PCDH15: variants seen among roughly 807,000 people sequenced by gnomAD.
The protein encoded by PCDH15 is protocadherin-15.
PCDH15 carries 129 observed loss-of-function variants against 178.5 expected under a neutral mutation model. The observed-to-expected ratio is 0.72, with a 90% CI of 0.63 to 0.84. PCDH15 has a LOEUF of 0.84. Among genes scored for constraint, PCDH15 ranks in the 40% least tolerant of loss-of-function variants. PCDH15 has a pLI of 0.00. For synonymous variants in PCDH15, 800 were observed against 732.0 expected, an observed-to-expected ratio of 1.09 and a Z score of -1.50; for missense variants, 2,230 against 2,099.9, an observed-to-expected ratio of 1.06 and a Z score of -1.21.
intron 1 of PCDH15, among the ~76,000 whole-genome samples, chr10:54,745,732 A>AT (rs1473421002): frequency 3.3e-5 from 5 of 152,200 alleles, no homozygotes; most frequent in African/African-American, 1.2e-4. Context: ...ACTGGATAAT[A>AT]TATAAGTGTA....
chr10:54,162,860 T>C (rs1245501248), intron 13 of PCDH15, among the ~76,000 whole-genome samples: 1 of 152,202 alleles, frequency 6.6e-6, no homozygotes, highest in Non-Finnish European at 1.5e-5. Flanking sequence ...TATACATGTA[T>C]AGATATGTAT....
chr10:55,487,746 T>C (rs1037797874), intron 2 of PCDH15, among the ~76,000 whole-genome samples: 28 of 151,752 alleles, frequency 1.8e-4, no homozygotes, highest in African/African-American at 6.5e-4. Flanking sequence ...TATATTTGAG[T>C]ATTGAAAACA....
intron 10 of PCDH15, among the ~76,000 whole-genome samples, chr10:54,200,760 G>A (rs1374029432): frequency 6.6e-6 from 1 of 151,812 alleles, no homozygotes; most frequent in African/African-American, 2.4e-5. Flanking sequence ...TCTCATTCTC[G>A]TTTGGTGGTT....
At chr10:54,551,951 T>A (rs1367553165) in intron 2 of PCDH15, among the ~76,000 whole-genome samples, 1 of 151,956 alleles carries the variant, frequency 6.6e-6, no homozygotes, top group African/African-American at 2.4e-5. Context: ...AGAAAATAAA[T>A]AAAAGCATGC....
chr10:54,747,292 T>A (rs2132908976), intron 1 of PCDH15, among the ~76,000 whole-genome samples: 1 of 152,348 alleles, frequency 6.6e-6, no homozygotes, highest in East Asian at 1.9e-4. Flanking sequence ...ATCATTCTAA[T>A]CACAGCAGTC....
chr10:54,195,268 A>G (rs2049490749), intron 11 of PCDH15, among the ~76,000 whole-genome samples: 1 of 152,178 alleles, frequency 6.6e-6, no homozygotes, highest in African/African-American at 2.4e-5. Context: ...ATATATTTTA[A>G]TAACGATGCC....
At chr10:54,770,666 A>G (rs2133259862) in intron 1 of PCDH15, among the ~76,000 whole-genome samples, 1 of 152,070 alleles carries the variant, frequency 6.6e-6, no homozygotes, top group African/African-American at 2.4e-5. Flanking sequence ...TCTGTCAGTC[A>G]AGTTATTTTC....
At chr10:54,621,329 A>G (rs1045290758) in intron 2 of PCDH15, among the ~76,000 whole-genome samples, 1 of 151,990 alleles carries the variant, frequency 6.6e-6, no homozygotes, top group South Asian at 2.1e-4. Flanking sequence ...TAAATGGTTC[A>G]ATTTATTAAA....
At chr10:55,226,805 G>T (rs1315986097) in intron 1 of PCDH15, among the ~76,000 whole-genome samples, 4 of 151,928 alleles carry the variant, frequency 2.6e-5, no homozygotes, top group Non-Finnish European at 5.9e-5. Flanking sequence ...TTGAAATTCA[G>T]ACAATTCAGT....
At chr10:54,295,831 G>C (rs181919589) in intron 8 of PCDH15, among the ~76,000 whole-genome samples, 4 of 151,918 alleles carry the variant, frequency 2.6e-5, no homozygotes, top group Non-Finnish European at 4.4e-5. Context: ...TCTAATTATC[G>C]GGCACCTGTC....
intron 3 of PCDH15, among the ~76,000 whole-genome samples, chr10:54,855,289 G>C (rs1953718172): frequency 6.6e-6 from 1 of 152,168 alleles, no homozygotes; most frequent in Non-Finnish European, 1.5e-5. Flanking sequence ...GTGGGTATCT[G>C]CAGCTGCATC....
intron 1 of PCDH15, among the ~76,000 whole-genome samples, chr10:54,742,664 G>A (rs909950445): frequency 6.6e-6 from 1 of 151,954 alleles, no homozygotes; most frequent in Admixed American, 6.6e-5. Context: ...CTTTATACCA[G>A]GGTGAAGTCG....
chr10:54,897,954 A>C (rs534312516), intron 2 of PCDH15, among the ~76,000 whole-genome samples: 1 of 152,276 alleles, frequency 6.6e-6, no homozygotes, highest in South Asian at 2.1e-4. Flanking sequence ...TTCTTTCTGT[A>C]TAATATAGTT....
At chr10:55,507,876 A>G (rs987459086) in intron 2 of PCDH15, among the ~76,000 whole-genome samples, 2 of 151,634 alleles carry the variant, frequency 1.3e-5, no homozygotes, top group African/African-American at 2.4e-5. Flanking sequence ...AGAGATCCAA[A>G]TTAAAATTAT....
At chr10:54,940,232 G>T (rs901907667) in intron 2 of PCDH15, among the ~76,000 whole-genome samples, 2 of 151,908 alleles carry the variant, frequency 1.3e-5, no homozygotes, top group African/African-American at 4.8e-5. Flanking sequence ...TTATTATATT[G>T]TGTTTCCATT....
chr10:54,868,412 A>G (rs936143669), intron 3 of PCDH15, among the ~76,000 whole-genome samples: 8 of 152,058 alleles, frequency 5.3e-5, no homozygotes, highest in Non-Finnish European at 7.4e-5. Context: ...ACCTCATTCC[A>G]CATTCCTTGA....
chr10:55,528,244 T>C (rs1353937626), intron 2 of PCDH15, among the ~76,000 whole-genome samples: 1 of 151,738 alleles, frequency 6.6e-6, no homozygotes, highest in African/African-American at 2.4e-5. Context: ...ATTTTTATTA[T>C]ACTTTAAGTT....
intron 25 of PCDH15, among the ~76,000 whole-genome samples, chr10:53,915,485 T>G (rs1243399764): frequency 6.6e-6 from 1 of 152,226 alleles, no homozygotes; most frequent in East Asian, 1.9e-4. Context: ...AAATATTTTG[T>G]GTATGTGTTT....
intron 3 of PCDH15, among the ~76,000 whole-genome samples, chr10:54,501,235 A>AC (rs2080652988): frequency 6.6e-6 from 1 of 151,130 alleles, no homozygotes; most frequent in African/African-American, 2.5e-5. Context: ...AAGTATAATA[A>AC]TAAAAAAAAA....
Sources: gnomAD v4.1 joint callset for allele counts (sites outside exome capture counted in the v4.1 genomes callset) on GRCh38, gnomAD v4.1.1 for gene constraint, MANE v1.5 for transcripts, NCBI Gene and HGNC (gene_info 2026-07-23, HGNC 2026-07-21) for gene names.